The following PTK2 variants were observed in gnomAD, a reference collection of about 807,000 sequenced individuals.
PTK2 encodes the protein protein tyrosine kinase 2.
In PTK2, 45 loss-of-function variants were observed where a neutral mutation model predicts 150.1. The ratio of observed to expected loss-of-function variants is 0.30; its 90% CI spans 0.24 to 0.38. PTK2 has a LOEUF of 0.38. Among genes scored for constraint, PTK2 ranks in the 10% least tolerant of loss-of-function variants. The pLI, the probability that PTK2 is intolerant of heterozygous loss-of-function variation, is 1.00. For synonymous variants in PTK2, 432 were observed against 449.2 expected, an observed-to-expected ratio of 0.96 and a Z score of 0.48; for missense variants, 919 against 1,307.3, an observed-to-expected ratio of 0.70 and a Z score of 4.58.
intron 7 of PTK2, among the ~76,000 whole-genome samples, chr8:140,840,372 C>A (rs1178621954): frequency 6.6e-6 from 1 of 152,048 alleles, no homozygotes; most frequent in Non-Finnish European, 1.5e-5. Context: ...GAAATAAAAT[C>A]ATATACATGT....
Position 140,803,707 on chromosome 8 carries a change from G to C in PTK2, c.868-57C>G, listed in dbSNP as rs915470592. 10 of 1,428,338 alleles carry C rather than the reference G, an allele frequency of 7.0e-6. No homozygotes were observed. In the African/African-American group the frequency reaches 1.1e-4, roughly 16 times the overall value. The allele number at this position is 1,428,338 out of a possible 1,614,324, so 88.5% of individuals were successfully genotyped here. On this transcript the variant is annotated intron_variant, in intron 10 of 31. Coordinates refer to ENST00000522684, the Ensembl canonical transcript of PTK2. ...ACGGATAAAAAACTCATTTCACAGA[G>C]TCTGTAAATGTTCTGTGAAATCCTC...
chr8:140,666,926 TC>T (rs1191396298), intron 30 of PTK2, among the ~76,000 whole-genome samples: 1 of 152,210 alleles, frequency 6.6e-6, no homozygotes, highest in Non-Finnish European at 1.5e-5. Flanking sequence ...CAGTGGAATA[TC>T]ACTCTGCCCT....
At chr8:140,844,413 G>A (rs915361553) in intron 7 of PTK2, among the ~76,000 whole-genome samples, 2 of 149,598 alleles carry the variant, frequency 1.3e-5, no homozygotes, top group African/African-American at 4.9e-5. Flanking sequence ...TTCTATAGAG[G>A]AAATTTGTCA....
At position 140,770,678 on chromosome 8, in the gene PTK2, G is replaced by C. The variant is rs776102014; in HGVS notation, c.1178-6388C>G. On this transcript the variant is annotated intron_variant, in intron 14 of 31. Coordinates refer to ENST00000522684, the Ensembl canonical transcript of PTK2. ...AGAGTTAGTTTCTCTGGAGTGCTCTGGTTAATAGGAGAGCCTGTGCAAATA... is the reference window on the plus strand; with the variant it reads ...AGAGTTAGTTTCTCTGGAGTGCTCTCGTTAATAGGAGAGCCTGTGCAAATA... The C allele has an allele frequency of 3.5e-6, 4 of 1,133,212 alleles. No individual in the cohort carries two copies. The South Asian group carries it at 5.6e-5, about 16-fold the overall frequency. The allele number at this position is 1,133,212 out of a possible 1,614,324, so 70.2% of individuals were successfully genotyped here. A position where few individuals can be genotyped will look rare whatever the true frequency, so the allele number is the denominator to read the frequency against.
At chr8:140,730,410 T>C (rs947390964) in intron 22 of PTK2, among the ~76,000 whole-genome samples, 61 of 152,176 alleles carry the variant, frequency 4.0e-4, no homozygotes, top group African/African-American at 1.4e-3. Context: ...AAATAAATTA[T>C]ATATATAAAG....
At chr8:140,987,415 A>C (rs2100193709) in intron 1 of PTK2, among the ~76,000 whole-genome samples, 1 of 152,134 alleles carries the variant, frequency 6.6e-6, no homozygotes, top group Non-Finnish European at 1.5e-5. Flanking sequence ...TCTTGACCTT[A>C]AGTGATCCAC....
chr8:140,777,592 C>T (rs2100079196), intron 14 of PTK2, among the ~76,000 whole-genome samples: 1 of 152,196 alleles, frequency 6.6e-6, no homozygotes, highest in Admixed American at 6.5e-5. Flanking sequence ...TAAAAACTCC[C>T]ACTAGCAAGT....
intron 18 of PTK2, among the ~76,000 whole-genome samples, chr8:140,745,983 G>C (rs1215690449): frequency 2.0e-5 from 3 of 149,328 alleles, no homozygotes; most frequent in African/African-American, 7.4e-5. Flanking sequence ...TTGGGCGACA[G>C]AGCGAGACTC....
chr8:140,673,646 G>A (rs931359474), intron 29 of PTK2, among the ~76,000 whole-genome samples: 3 of 152,158 alleles, frequency 2.0e-5, no homozygotes, highest in African/African-American at 7.2e-5. Flanking sequence ...CAGGGAGGAG[G>A]GCTGCTGCTC....
chr8:140,928,957 AT>A (rs34658967), intron 1 of PTK2, among the ~76,000 whole-genome samples: 2,607 of 91,944 alleles, frequency 0.028, 8 homozygotes, highest in African/African-American at 0.057. Flanking sequence ...TTTTATCACA[AT>A]TTTTTTTTTT....
At chr8:140,673,093 A>G (rs1299943734) in intron 29 of PTK2, among the ~76,000 whole-genome samples, 1 of 151,710 alleles carries the variant, frequency 6.6e-6, no homozygotes, top group Non-Finnish European at 1.5e-5. Flanking sequence ...GTCTTCCACT[A>G]TAAGATGCAT....
intron 22 of PTK2, among the ~76,000 whole-genome samples, chr8:140,728,935 G>C (rs116025860): frequency 6.6e-6 from 1 of 152,112 alleles, no homozygotes; most frequent in East Asian, 1.9e-4. Context: ...TTGAAAAATT[G>C]ATACACGCAC....
intron 7 of PTK2, chr8:140,832,970 TA>T (rs1376233223): frequency 1.9e-6 from 1 of 519,030 alleles, no homozygotes; most frequent in African/African-American, 1.9e-5. Flanking sequence ...CAACTGCTAT[TA>T]ATCAACCCAG....
intron 2 of PTK2, among the ~76,000 whole-genome samples, chr8:140,896,788 C>CGGGG (rs60747008): frequency 0.026 from 1,747 of 66,832 alleles, 178 homozygotes; most frequent in East Asian, 0.077. Context: ...CCCAAAAAAA[C>CGGGG]GGGGGGGGGG....
At chr8:140,694,457 T>C (rs1031192994) in intron 26 of PTK2, among the ~76,000 whole-genome samples, 1 of 152,196 alleles carries the variant, frequency 6.6e-6, no homozygotes, top group African/African-American at 2.4e-5. Flanking sequence ...AAATTTTATT[T>C]TACAAGAGTA....
rs2100066428 is a variant in PTK2, at chr8:140,757,339, G to GGGCA, written c.1332+3822_1332+3825dup. The stretch of plus-strand genomic sequence containing the variant: ...TCCTTCTACTCTACTTTGCCTCAAA[G>GGGCA]GGCAGAGTTAAGAGACTGTGGAATA... On this transcript the variant is annotated intron_variant, in intron 16 of 31. Coordinates refer to ENST00000522684, the Ensembl canonical transcript of PTK2. Among the ~76,000 whole-genome samples, 12 of 152,084 alleles carry GGGCA rather than the reference G, an allele frequency of 7.9e-5. No homozygotes were observed. The South Asian group carries it at 2.3e-3, about 29-fold the overall frequency.
chr8:140,987,946 G>A (rs1456114098), intron 1 of PTK2, among the ~76,000 whole-genome samples: 1 of 151,738 alleles, frequency 6.6e-6, no homozygotes, highest in East Asian at 1.9e-4. Context: ...TCCAGCGACT[G>A]AGGTCAGAGG....
At chr8:140,661,419 G>C (rs1031185874) in intron 31 of PTK2, among the ~76,000 whole-genome samples, 1 of 152,144 alleles carries the variant, frequency 6.6e-6, no homozygotes, top group Non-Finnish European at 1.5e-5. Flanking sequence ...ATGTGTGTAG[G>C]GGATTGGGAA....
intron 1 of PTK2, among the ~76,000 whole-genome samples, chr8:140,992,624 C>G (rs1176647088): frequency 6.6e-6 from 1 of 152,134 alleles, no homozygotes; most frequent in African/African-American, 2.4e-5. Flanking sequence ...ACTGAAAGCC[C>G]CTGGAGCTTA....
Sources: gnomAD v4.1 joint callset for allele counts (sites outside exome capture counted in the v4.1 genomes callset) on GRCh38, gnomAD v4.1.1 for gene constraint, MANE v1.5 for transcripts, NCBI Gene and HGNC (gene_info 2026-07-23, HGNC 2026-07-21) for gene names.